PLXDC2: variants seen among roughly 807,000 people sequenced by gnomAD.
PLXDC2 encodes plexin domain-containing protein 2.
PLXDC2 carries 40 observed loss-of-function variants against 68.9 expected under a neutral mutation model. The ratio of observed to expected loss-of-function variants is 0.58; its 90% confidence interval spans 0.45 to 0.76. The LOEUF (loss-of-function observed/expected upper bound fraction) is 0.76. Among genes scored for constraint, PLXDC2 ranks in the 30% least tolerant of loss-of-function variants. The probability of loss-of-function intolerance (pLI) is 0.00; values close to 1 mark genes in which losing one functional copy is unlikely to be tolerated. For synonymous variants in PLXDC2, 243 were observed against 234.2 expected (o/e 1.04, Z -0.34); for missense variants, 644 against 661.9 (o/e 0.97, Z 0.30).
intron 6 of PLXDC2, among the ~76,000 whole-genome samples, chr10:20,160,455 TC>T (rs1402423104): frequency 1.3e-5 from 2 of 152,204 alleles, no homozygotes; most frequent in Admixed American, 6.5e-5. Flanking sequence ...TTAGTTTGTA[TC>T]GTTGTTAACA....
At chr10:20,238,668 T>TATATGTATATATATATATACACACAC in intron 12 of PLXDC2, among the ~76,000 whole-genome samples, 1 of 96,770 alleles carries the variant, frequency 1.0e-5, no homozygotes, top group African/African-American at 4.4e-5. Context: ...AAAAAATATA[T>TATATGTATATATATATATACACACAC]ATATATATGT....
At chr10:19,955,872 A>G (rs775462831) in intron 1 of PLXDC2, among the ~76,000 whole-genome samples, 11 of 152,048 alleles carry the variant, frequency 7.2e-5, no homozygotes, top group Non-Finnish European at 1.6e-4. Context: ...CTGAGTCAGG[A>G]GTTCGAGACC....
chr10:20,117,059 A>T (rs1351475216), intron 4 of PLXDC2, among the ~76,000 whole-genome samples: 1 of 152,114 alleles, frequency 6.6e-6, no homozygotes, highest in Admixed American at 6.5e-5. Context: ...ATGAAAAAAA[A>T]AAATAGTTCA....
chr10:19,987,557 GTTT>G (rs1554851184), intron 1 of PLXDC2, among the ~76,000 whole-genome samples: 1 of 77,236 alleles, frequency 1.3e-5, no homozygotes, highest in Non-Finnish European at 2.7e-5. Context: ...ATTTGGTTTT[GTTT>G]TGTTTTTTTT....
intron 9 of PLXDC2, among the ~76,000 whole-genome samples, chr10:20,178,793 C>T (rs1312293515): frequency 2.0e-5 from 3 of 152,016 alleles, no homozygotes; most frequent in South Asian, 2.1e-4. Flanking sequence ...TTTATGATAA[C>T]GTCTGTTTTG....
At chr10:20,019,656 C>G (rs1447741774) in intron 2 of PLXDC2, among the ~76,000 whole-genome samples, 1 of 152,112 alleles carries the variant, frequency 6.6e-6, no homozygotes, top group Non-Finnish European at 1.5e-5. Flanking sequence ...TGAGGAAAGG[C>G]CATGTGAGGA....
chr10:20,166,972 T>C (rs569691448), intron 7 of PLXDC2, among the ~76,000 whole-genome samples: 1 of 152,240 alleles, frequency 6.6e-6, no homozygotes, highest in Non-Finnish European at 1.5e-5. Flanking sequence ...GACTCAGCAG[T>C]TATCTAAAAG....
chr10:20,213,917 T>C (rs1050216546), intron 10 of PLXDC2, among the ~76,000 whole-genome samples: 5 of 152,154 alleles, frequency 3.3e-5, no homozygotes, highest in African/African-American at 1.2e-4. Context: ...CTCATATTTT[T>C]AAACCTCTAT....
At chr10:19,845,755 C>T (rs113873409) in intron 1 of PLXDC2, among the ~76,000 whole-genome samples, 18 of 152,276 alleles carry the variant, frequency 1.2e-4, no homozygotes, top group Non-Finnish European at 2.4e-4. Flanking sequence ...CTTTTAATTA[C>T]ATGCAAATCA....
rs12242522 is a variant in PLXDC2, at chr10:20,134,831, C to T, written c.542-8464C>T. ...TGGAGTCTGGAGTCACATGGGCCAG[C>T]CTGGAGCTCAGGTCTCTATGAGCCT... On this transcript the variant is annotated intron_variant, in intron 4 of 13. Coordinates refer to ENST00000377252, the MANE Select transcript of PLXDC2 (RefSeq NM_032812.9). Among the ~76,000 whole-genome samples the T allele has an allele frequency of 7.9e-3, 1,196 of 152,134 alleles. 15 individuals are homozygous for T. Among genetic ancestry groups the T allele is most frequent in the African/African-American group, 0.027 (1,126 of 41,498 alleles).
At chr10:19,923,076 AT>A (rs1833486305) in intron 1 of PLXDC2, among the ~76,000 whole-genome samples, 1 of 152,042 alleles carries the variant, frequency 6.6e-6, no homozygotes, top group Admixed American at 6.6e-5. Context: ...TAAAAAAAAA[AT>A]CTCTTAAGTC....
chr10:19,890,746 T>G (rs893924680), intron 1 of PLXDC2, among the ~76,000 whole-genome samples: 1 of 150,232 alleles, frequency 6.7e-6, no homozygotes, highest in Non-Finnish European at 1.5e-5. Context: ...AACTGAACTA[T>G]GTGTACATAG....
intron 2 of PLXDC2, among the ~76,000 whole-genome samples, chr10:20,015,067 T>C (rs11011737): frequency 0.24 from 37,107 of 152,018 alleles, 4,897 homozygotes; most frequent in East Asian, 0.51. Context: ...CAGGAGTGAG[T>C]TGACAGCAGG....
Position 19,973,436 on chromosome 10 carries a change from C to T in PLXDC2, c.113-28339C>T, listed in dbSNP as rs151125841. Among the ~76,000 whole-genome samples, 233 of 140,928 alleles carry T rather than the reference C, an allele frequency of 1.7e-3. 1 individual carries two copies. Among genetic ancestry groups the T allele is most frequent in the African/African-American group, 5.8e-3 (221 of 38,006 alleles). 92.5% of individuals were successfully genotyped at this position (140,928 alleles called of 152,430 possible). A position where few individuals can be genotyped will look rare whatever the true frequency, so the allele number is the denominator to read the frequency against. On this transcript the variant is annotated intron_variant, in intron 1 of 13. Transcript: ENST00000377252. ...TGCAATGCACTAATTACTTTATTGT[C>T]TTCATTATTGTCAAGGAATTTGGTA...
At chr10:19,861,422 T>C (rs1475544759) in intron 1 of PLXDC2, among the ~76,000 whole-genome samples, 5 of 152,064 alleles carry the variant, frequency 3.3e-5, no homozygotes, top group Non-Finnish European at 7.4e-5. Flanking sequence ...TGATTGGTCT[T>C]TCCAAAAATA....
chr10:20,206,411 A>C (rs1834992310), intron 9 of PLXDC2, among the ~76,000 whole-genome samples: 1 of 151,986 alleles, frequency 6.6e-6, no homozygotes, highest in Non-Finnish European at 1.5e-5. Context: ...AAGGAGAAGG[A>C]GCTATTTCTT....
At chr10:19,998,501 A>G (rs1372831034) in intron 1 of PLXDC2, among the ~76,000 whole-genome samples, 1 of 152,164 alleles carries the variant, frequency 6.6e-6, no homozygotes, top group African/African-American at 2.4e-5. Context: ...TTGTTTATTC[A>G]TGACATAACC....
intron 9 of PLXDC2, among the ~76,000 whole-genome samples, chr10:20,207,525 C>T (rs1289179725): frequency 6.6e-6 from 1 of 152,150 alleles, no homozygotes; most frequent in Non-Finnish European, 1.5e-5. Context: ...CATTGAATTA[C>T]TTATGGTTAT....
intron 9 of PLXDC2, among the ~76,000 whole-genome samples, chr10:20,178,454 C>T (rs1420446313): frequency 6.6e-6 from 1 of 152,112 alleles, no homozygotes; most frequent in Non-Finnish European, 1.5e-5. Flanking sequence ...CCCTGCCCCC[C>T]ATGAAGTTTA....
Sources: gnomAD v4.1 joint callset for allele counts (sites outside exome capture counted in the v4.1 genomes callset) on GRCh38, gnomAD v4.1.1 for gene constraint, MANE v1.5 for transcripts, NCBI Gene and HGNC (gene_info 2026-07-23, HGNC 2026-07-21) for gene names.